Variants in NCKAP1 observed in about 807,000 individuals in gnomAD.
NCKAP1 encodes the protein nck-associated protein 1.
In NCKAP1, 21 loss-of-function variants were observed where a neutral mutation model predicts 151.2. That is an observed-to-expected ratio of 0.14 (90% CI 0.10 to 0.20). NCKAP1 has a LOEUF of 0.20. Among genes scored for constraint, NCKAP1 ranks in the 10% least tolerant of loss-of-function variants. NCKAP1 has a pLI of 1.00. For synonymous variants in NCKAP1, 484 were observed against 451.8 expected, an observed-to-expected ratio of 1.07 and a Z score of -0.90; for missense variants, 933 against 1,352.1, an observed-to-expected ratio of 0.69 and a Z score of 4.86.
rs986819435 is a variant in NCKAP1 at position 182,911,020 on chromosome 2, G to T, written c.*14682C>A. 1 of 142,598 alleles carries T rather than the reference G, an allele frequency of 7.0e-6. No homozygotes were observed. Among genetic ancestry groups the T allele is most frequent in the Non-Finnish European group, 1.5e-5 (1 of 66,580 alleles). 8.8% of individuals were successfully genotyped at this position (142,598 alleles called of 1,614,324 possible). The stretch of plus-strand genomic sequence containing the variant: ...ACTTCAGGGAAACCTTAAAAACTGA[G>T]TTCCCGGCCATGATGGGATGGGAGG... On this transcript the variant is annotated 3_prime_UTR_variant, in exon 31 of 31. Coordinates refer to ENST00000361354, the MANE Select transcript of NCKAP1 (RefSeq NM_013436.5).
intron 27 of NCKAP1, 142 bp from the exon 28 acceptor site, chr2:182,929,041 T>C: frequency 1.7e-6 from 1 of 573,670 alleles, no homozygotes; most frequent in East Asian, 2.9e-5. Flanking sequence ...TAGCATTCTA[T>C]AGAATTGGTC....
intron 1 of NCKAP1, among the ~76,000 whole-genome samples, chr2:183,031,981 C>T (rs984835066): frequency 3.9e-5 from 6 of 152,066 alleles, no homozygotes; most frequent in Admixed American, 2.6e-4. Flanking sequence ...TAATAATTAG[C>T]AGGAAAAGAA....
chr2:183,012,461 T>C (rs1698606238), intron 2 of NCKAP1, among the ~76,000 whole-genome samples: 2 of 152,276 alleles, frequency 1.3e-5, no homozygotes, highest in South Asian at 4.1e-4. Flanking sequence ...TGGACATCTG[T>C]TGTTCTTGGG....
At chr2:183,023,955 C>A in intron 1 of NCKAP1, 39 bp from the exon 2 acceptor site, 1 of 1,367,566 alleles carries the variant, frequency 7.3e-7, no homozygotes, top group South Asian at 1.2e-5. Context: ...GAAATGCACC[C>A]TTCTTCTAAA....
chr2:183,021,073 T>A (rs1347204819), intron 2 of NCKAP1, among the ~76,000 whole-genome samples: 2 of 152,152 alleles, frequency 1.3e-5, no homozygotes, highest in Non-Finnish European at 2.9e-5. Context: ...TTCAACAACA[T>A]TGTACAATCA....
At chr2:182,989,211 C>A in intron 8 of NCKAP1, 25 bp from the exon 9 acceptor site, 1 of 1,559,702 alleles carries the variant, frequency 6.4e-7, no homozygotes. Flanking sequence ...AAAGCAAATA[C>A]AAATGTAAAT....
Position 182,982,822 on chromosome 2 carries a change from T to C in NCKAP1, c.1207A>G (p.Lys403Glu). 1 of 1,576,446 alleles carries C rather than the reference T, an allele frequency of 6.3e-7. No homozygotes were observed. The highest frequency in any genetic ancestry group is 8.6e-7 in the Non-Finnish European group (1 of 1,162,980). ...PKKSADDFID[K>E]HIAELIFYME... ...TTTTTTTAAATGTTGCTAACTTACT[T>C]ATCTATAAAGTCGTCTGCACTCTTC... Residue 403 changes from lysine (K) to glutamate (E), a missense_variant and splice_region_variant, in exon 12 of 31, where the codon AAG becomes GAG. Physicochemically the swap from Lys to Glu is moderately conservative, Grantham distance 56. Transcript: ENST00000361354.
intron 12 of NCKAP1, among the ~76,000 whole-genome samples, chr2:182,982,339 G>T (rs1189927587): frequency 2.0e-5 from 3 of 152,028 alleles, no homozygotes; most frequent in Non-Finnish European, 4.4e-5. Context: ...AAATAATTTT[G>T]CTTCAAATAT....
chr2:182,926,461 A>G (rs2105795875), intron 30 of NCKAP1, among the ~76,000 whole-genome samples: 1 of 152,150 alleles, frequency 6.6e-6, no homozygotes, highest in Non-Finnish European at 1.5e-5. Context: ...ATTACAGAAA[A>G]TTACGAGAAA....
intron 9 of NCKAP1, among the ~76,000 whole-genome samples, chr2:182,986,495 T>C (rs1046898083): frequency 2.0e-5 from 3 of 152,184 alleles, no homozygotes; most frequent in African/African-American, 7.2e-5. Context: ...TAAATGTTAT[T>C]ACTTCCTTAA....
At chr2:182,927,224 C>T (rs1193660272) in intron 29 of NCKAP1, 1 of 182,372 alleles carries the variant, frequency 5.5e-6, no homozygotes, top group African/African-American at 2.4e-5. Flanking sequence ...TCTATACTGA[C>T]TATATTTCTT....
chr2:182,990,027 GCATA>G (rs1184214763), intron 8 of NCKAP1, among the ~76,000 whole-genome samples: 1 of 150,340 alleles, frequency 6.7e-6, no homozygotes, highest in Non-Finnish European at 1.5e-5. Flanking sequence ...TATATAATAT[GCATA>G]CATACATAAA....
At chr2:182,977,473 G>C (rs1176779916) in intron 14 of NCKAP1, among the ~76,000 whole-genome samples, 1 of 152,168 alleles carries the variant, frequency 6.6e-6, no homozygotes, top group Non-Finnish European at 1.5e-5. Context: ...CTGGGCAACA[G>C]AGCGGGACTG....
chr2:182,931,581 T>C (rs1559070542), intron 26 of NCKAP1, among the ~76,000 whole-genome samples: 3 of 151,912 alleles, frequency 2.0e-5, no homozygotes, highest in Admixed American at 6.6e-5. Context: ...TAGAAAAAAA[T>C]ATAGGCACAA....
At chr2:182,975,157 T>C (rs1559089265) in intron 15 of NCKAP1, among the ~76,000 whole-genome samples, 2 of 151,998 alleles carry the variant, frequency 1.3e-5, no homozygotes, top group Non-Finnish European at 2.9e-5. Flanking sequence ...ATTCCACTTC[T>C]TTTTTTTACA....
At chr2:183,016,964 T>G (rs1698701606) in intron 2 of NCKAP1, among the ~76,000 whole-genome samples, 1 of 152,162 alleles carries the variant, frequency 6.6e-6, no homozygotes, top group Non-Finnish European at 1.5e-5. Flanking sequence ...TTTGATATTT[T>G]TTACAAGTCA....
At chr2:183,022,508 T>C (rs116103965) in intron 2 of NCKAP1, among the ~76,000 whole-genome samples, 2,571 of 152,324 alleles carry the variant, frequency 0.017, 30 homozygotes, top group Non-Finnish European at 0.027. Flanking sequence ...TATTTCTGGC[T>C]GCGCACAGCA....
At chr2:183,018,577 T>C (rs1315521696) in intron 2 of NCKAP1, among the ~76,000 whole-genome samples, 2 of 152,164 alleles carry the variant, frequency 1.3e-5, no homozygotes, top group African/African-American at 4.8e-5. Context: ...TTTTTAGGAG[T>C]TGAGACTCTT....
Position 182,935,309 on chromosome 2 carries a change from T to C in NCKAP1, c.2762A>G (p.Gln921Arg). ...GVILSFRSLA[Q>R]EALRDVLSYH... ...GTTTCTTACATCTCTAAGTGCTTCT[T>C]GTGCCAATGATCGGAAGGATAAAAT... The change falls in exon 25 of 31, where the codon CAA becomes CGA. Residue 921 changes from glutamine (Q) to arginine (R), a missense_variant. Physicochemically the swap from Gln to Arg is conservative, Grantham distance 43. This residue lies in a region of NCKAP1 where 326 missense variants were observed against 557.1 expected (regional missense o/e 0.59). Coordinates refer to ENST00000361354, the MANE Select transcript of NCKAP1 (RefSeq NM_013436.5). 1.3e-6 allele frequency: 2 copies of C among 1,590,742 alleles called. No homozygotes were observed. The highest frequency in any genetic ancestry group is 1.2e-5 in the South Asian group (1 of 86,426).
Sources: gnomAD v4.1 joint callset for allele counts (sites outside exome capture counted in the v4.1 genomes callset) on GRCh38, gnomAD v4.1.1 for gene constraint, gnomAD v4.1.1 regional missense constraint, MANE v1.5 for transcripts, NCBI Gene and HGNC (gene_info 2026-07-23, HGNC 2026-07-21) for gene names.